Variants in GLIS3 observed in about 807,000 individuals in gnomAD.
GLIS3 encodes the protein GLIS family zinc finger 3.
GLIS3 carries 53 observed loss-of-function variants against 78.6 expected under a neutral mutation model. That is an observed-to-expected ratio of 0.67 (90% CI 0.54 to 0.85). The LOEUF (loss-of-function observed/expected upper bound fraction) is 0.85, where lower values mean the gene tolerates loss of function less well. Ranked by LOEUF, GLIS3 falls within the 40% of genes least tolerant of loss-of-function variation. The pLI is 0.00. For synonymous variants in GLIS3, 684 were observed against 509.9 expected (o/e 1.34, Z -4.60); for missense variants, 1,703 against 1,231.1 (o/e 1.38, Z -5.74).
intron 2 of GLIS3, among the ~76,000 whole-genome samples, chr9:4,174,699 T>C (rs1182660981): frequency 6.6e-6 from 1 of 152,264 alleles, no homozygotes. Context: ...TTGGAAATAC[T>C]GGCTTTTAAA....
At chr9:4,235,298 CA>C (rs60654092) in intron 2 of GLIS3, among the ~76,000 whole-genome samples, 44,993 of 105,150 alleles carry the variant, frequency 0.43, 7,905 homozygotes, top group Middle Eastern at 0.52. Context: ...GACTCTGTCT[CA>C]AAAAAAAAAA....
intron 2 of GLIS3, among the ~76,000 whole-genome samples, chr9:4,190,682 T>C (rs1028577066): frequency 5.3e-5 from 8 of 151,952 alleles, no homozygotes; most frequent in African/African-American, 7.2e-5. Context: ...GTACAGAGAA[T>C]GCCACAAAGA....
chr9:4,392,064 T>C, the GLIS3 span, among the ~76,000 whole-genome samples: 1 of 152,178 alleles, frequency 6.6e-6, no homozygotes, highest in Non-Finnish European at 1.5e-5. Context: ...TGGAATACTA[T>C]ACAGCCCAAG....
intron 2 of GLIS3, among the ~76,000 whole-genome samples, chr9:4,127,424 C>G (rs780637313): frequency 2.0e-5 from 3 of 152,112 alleles, no homozygotes; most frequent in Non-Finnish European, 4.4e-5. Flanking sequence ...TTGACCCCTC[C>G]CATTGCAGTT....
chr9:3,868,159 TGTGTCAGAAACTCTCTTA>T (rs1820727708), intron 8 of GLIS3, among the ~76,000 whole-genome samples: 1 of 152,270 alleles, frequency 6.6e-6, no homozygotes, highest in Non-Finnish European at 1.5e-5. Context: ...TGTTTCTGTA[TGTGTCAGAAACTCTCTTA>T]ATTTGCATCA....
rs572505720 is a variant in GLIS3, at chr9:4,134,198, G to C, written c.389-8257C>G. ...AGCAAGCACAAATTCAACTACAATT[G>C]AAGTAGAGTTGAAAGCCAATTTAGA... On this transcript the variant is annotated intron_variant, in intron 2 of 10. Transcript: ENST00000381971. Among the ~76,000 whole-genome samples the C allele has an allele frequency of 6.6e-5, 10 of 152,160 alleles. No homozygotes were observed. In the East Asian group the frequency reaches 1.9e-3, roughly 29 times the overall value.
Position 4,185,527 on chromosome 9 carries a change from T to A in GLIS3, c.389-59586A>T, listed in dbSNP as rs75896799. Among the ~76,000 whole-genome samples, 3 of 152,272 alleles carry A rather than the reference T, an allele frequency of 2.0e-5. No homozygotes were observed. In the East Asian group the frequency reaches 5.8e-4, roughly 29 times the overall value. ...CTTTATATTTTAACATCCTGAAAAT[T>A]AGAGTGTGCCTTAAAGTTGATGGTT... On this transcript the variant is annotated intron_variant, in intron 2 of 10. Coordinates refer to ENST00000381971, the MANE Select transcript of GLIS3 (RefSeq NM_001042413.2).
chr9:4,045,811 C>A (rs969532271), intron 4 of GLIS3, among the ~76,000 whole-genome samples: 1 of 152,094 alleles, frequency 6.6e-6, no homozygotes, highest in Non-Finnish European at 1.5e-5. Flanking sequence ...AATGTTCCGC[C>A]CCGTCAGATA....
chr9:4,399,990 C>A, the GLIS3 span, among the ~76,000 whole-genome samples: 37,477 of 151,816 alleles, frequency 0.25, 5,057 homozygotes, highest in African/African-American at 0.35. Context: ...AGTGGGATGG[C>A]GAGTGAGGAG....
chr9:3,987,309 C>A (rs1489384696), intron 4 of GLIS3, among the ~76,000 whole-genome samples: 1 of 152,028 alleles, frequency 6.6e-6, no homozygotes, highest in African/African-American at 2.4e-5. Context: ...AAAAAATTAA[C>A]AGCTCCTCAG....
chr9:3,952,690 T>C (rs1164164609), intron 4 of GLIS3, among the ~76,000 whole-genome samples: 1 of 152,200 alleles, frequency 6.6e-6, no homozygotes, highest in African/African-American at 2.4e-5. Context: ...CAGGTAATTT[T>C]TGTATGGAAA....
At chr9:4,296,458 T>C (rs554479125) in intron 1 of GLIS3, among the ~76,000 whole-genome samples, 1 of 152,298 alleles carries the variant, frequency 6.6e-6, no homozygotes, top group African/African-American at 2.4e-5. Context: ...ATTCACCCAC[T>C]AGGTGGACCT....
At chr9:4,220,895 G>A (rs1171900040) in intron 2 of GLIS3, among the ~76,000 whole-genome samples, 1 of 152,142 alleles carries the variant, frequency 6.6e-6, no homozygotes, top group South Asian at 2.1e-4. Flanking sequence ...TGAGGTGGGA[G>A]GATCGCTTAA....
intron 4 of GLIS3, among the ~76,000 whole-genome samples, chr9:4,033,495 C>A (rs1824027387): frequency 6.6e-6 from 1 of 152,130 alleles, no homozygotes; most frequent in African/African-American, 2.4e-5. Flanking sequence ...GACGTGCAGA[C>A]TCCCTATCCC....
intron 2 of GLIS3, among the ~76,000 whole-genome samples, chr9:4,147,918 A>G (rs1834355907): frequency 6.6e-6 from 1 of 152,214 alleles, no homozygotes; most frequent in African/African-American, 2.4e-5. Flanking sequence ...GGAATTCACA[A>G]AGGTAAGTCA....
At chr9:4,052,843 G>A (rs1825835540) in intron 4 of GLIS3, among the ~76,000 whole-genome samples, 1 of 152,142 alleles carries the variant, frequency 6.6e-6, no homozygotes, top group South Asian at 2.1e-4. Context: ...ATATACCTAG[G>A]AGTAGAATTG....
chr9:3,920,468 G>A (rs1027793075), intron 6 of GLIS3, among the ~76,000 whole-genome samples: 7 of 152,060 alleles, frequency 4.6e-5, no homozygotes, highest in Non-Finnish European at 8.8e-5. Context: ...GGATAGAGAC[G>A]GGAGATGGGG....
chr9:3,953,865 A>G (rs1457929519), intron 4 of GLIS3, among the ~76,000 whole-genome samples: 5 of 146,402 alleles, frequency 3.4e-5, no homozygotes, highest in Admixed American at 2.1e-4. Flanking sequence ...ACACACACAA[A>G]CACATGCACA....
At chr9:4,337,801 C>T (rs1817775228) in intron 2 of GLIS3, among the ~76,000 whole-genome samples, 1 of 152,132 alleles carries the variant, frequency 6.6e-6, no homozygotes, top group African/African-American at 2.4e-5. Flanking sequence ...GTACCAGGCT[C>T]CACTATCCAT....
Sources: gnomAD v4.1 joint callset for allele counts (sites outside exome capture counted in the v4.1 genomes callset) on GRCh38, gnomAD v4.1.1 for gene constraint, MANE v1.5 for transcripts, NCBI Gene and HGNC (gene_info 2026-07-23, HGNC 2026-07-21) for gene names.